Variants in XKRX observed in about 807,000 individuals in gnomAD.
XKRX encodes the protein XK related X-linked.
Under a neutral mutation model 22.4 loss-of-function variants are expected in XKRX, and 11 were observed. The ratio of observed to expected loss-of-function variants is 0.49; its 90% CI spans 0.31 to 0.81. The LOEUF is 0.81. Ranked by LOEUF, XKRX falls within the 40% of genes least tolerant of loss-of-function variation. The pLI is 0.05. For synonymous variants in XKRX, 114 were observed against 132.2 expected, an observed-to-expected ratio of 0.86 and a Z score of 0.94; for missense variants, 320 against 336.5, an observed-to-expected ratio of 0.95 and a Z score of 0.38.
chrX:100,896,090 C>T, the XKRX span, among the ~76,000 whole-genome samples: 1 of 111,564 alleles, frequency 9.0e-6, no homozygotes, highest in South Asian at 3.8e-4. Flanking sequence ...CCATAAAACT[C>T]AGAGTTACCA....
chrX:100,914,365 C>A lies in XKRX; in HGVS notation c.1323G>T (p.Glu441Asp). The A allele has an allele frequency of 3.3e-6, 4 of 1,211,412 alleles. No individual in the cohort carries two copies. Among genetic ancestry groups the A allele is most frequent in the Non-Finnish European group, 4.5e-6 (4 of 895,295 alleles). ...TRVENSEPPF[E>D]TEARQSVV is the part of the protein sequence containing the mutation. ...AGACAACACTTTGCCTTGCTTCAGT[C>A]TCAAAGGGTGGCTCTGAGTTCTCAA... Residue 441 changes from glutamate (E) to aspartate (D), a missense_variant, in exon 3 of 3, where the codon GAG becomes GAT. Physicochemically the swap from Glu to Asp is conservative, Grantham distance 45 (BLOSUM62 2). Coordinates refer to ENST00000372956, the MANE Select transcript of XKRX (RefSeq NM_212559.3).
Position 100,917,377 on chromosome X carries a change from C to T in XKRX, c.605-2294G>A, listed in dbSNP as rs147526677. 8.9e-3 allele frequency among the ~76,000 whole-genome samples: 968 copies of T among 108,452 alleles called. 12 individuals are homozygous for T. Among genetic ancestry groups the T allele is most frequent in the African/African-American group, 0.031 (928 of 29,681 alleles). The allele number at this position is 108,452 out of a possible 115,157, so 94.2% of individuals were successfully genotyped here. On this transcript the variant is annotated intron_variant, in intron 2 of 2. Transcript: ENST00000372956. ...CACACCTGTAATCCCAAGCACTTTGCGGGGCTGAGGTGGGTGGATCACCTG... is the reference window on the plus strand; with the variant it reads ...CACACCTGTAATCCCAAGCACTTTGTGGGGCTGAGGTGGGTGGATCACCTG...
rs1427026993 is a variant in XKRX at position 100,914,563 on chromosome X, T to G, written c.1125A>C (p.Leu375Phe). The G allele has an allele frequency of 8.3e-7, 1 of 1,211,759 alleles. No individual in the cohort carries two copies. The highest frequency in any genetic ancestry group is 1.8e-5 in the South Asian group (1 of 56,975). ...LVFKFFGVKV[L>F]LNYCHSLIAL... ...CAATCAAGGAATGACAGTAATTCAGTAACACTTTCACTCCAAAGAACTTAA... is the reference window on the plus strand; with the variant it reads ...CAATCAAGGAATGACAGTAATTCAGGAACACTTTCACTCCAAAGAACTTAA... The change falls in exon 3 of 3, where the codon TTA becomes TTC. Residue 375 changes from leucine (L) to phenylalanine (F), a missense_variant. Coordinates refer to ENST00000372956, the MANE Select transcript of XKRX (RefSeq NM_212559.3).
At chrX:100,898,205 T>C in the XKRX span, among the ~76,000 whole-genome samples, 1 of 111,838 alleles carries the variant, frequency 8.9e-6, no homozygotes, top group Admixed American at 9.5e-5. Context: ...CTGAAGACTC[T>C]GGCATTTAAA....
chrX:100,951,234 C>CAA, the XKRX span, among the ~76,000 whole-genome samples: 172 of 25,358 alleles, frequency 6.8e-3, 2 homozygotes, highest in African/African-American at 0.017. Flanking sequence ...GGCTCCATCG[C>CAA]AAAAAAAAAA....
At chrX:100,899,418 G>C in the XKRX span, among the ~76,000 whole-genome samples, 5 of 112,301 alleles carry the variant, frequency 4.5e-5, no homozygotes, top group African/African-American at 1.6e-4. Context: ...GAGAGGTTGA[G>C]GGGGGAGGAT....
At chrX:100,892,742 G>C in the XKRX span, among the ~76,000 whole-genome samples, 1 of 112,450 alleles carries the variant, frequency 8.9e-6, no homozygotes, top group African/African-American at 3.2e-5. Flanking sequence ...ATGTAAATTA[G>C]TACAGCCATT....
chrX:100,944,147 G>GTA, the XKRX span, among the ~76,000 whole-genome samples: 1 of 111,891 alleles, frequency 8.9e-6, no homozygotes, highest in Non-Finnish European at 1.9e-5. Flanking sequence ...GTGTGCAGTA[G>GTA]TATCTCATTG....
downstream of XKRX, among the ~76,000 whole-genome samples, chrX:100,910,195 G>GTC (rs1287690322): frequency 9.0e-6 from 1 of 111,217 alleles, no homozygotes; most frequent in Non-Finnish European, 1.9e-5. Context: ...TCATAGTTAT[G>GTC]TCTGCCTTTT....
At chrX:100,930,287 TTAATAATAATAATAATAA>T (rs59300334), upstream of XKRX, among the ~76,000 whole-genome samples, 1 of 85,620 alleles carries the variant, frequency 1.2e-5, no homozygotes, top group Admixed American at 1.3e-4. Flanking sequence ...AGATTACGTC[TTAATAATAATAATAATAA>T]TAATAATAAT....
chrX:100,914,634 G>T lies in XKRX; in HGVS notation c.1054C>A (p.His352Asn), dbSNP rs78358883. The T allele has an allele frequency of 1.7e-6, 2 of 1,211,685 alleles. No individual in the cohort carries two copies. Among genetic ancestry groups the T allele is most frequent in the Admixed American group, 4.3e-5 (2 of 46,008 alleles). The change falls in exon 3 of 3, where the codon CAC (histidine) becomes AAC (asparagine). Residue 352 changes from histidine (H) to asparagine (N), a missense_variant. Coordinates refer to ENST00000372956, the MANE Select transcript of XKRX (RefSeq NM_212559.3). ...TTCTCTACCAACCTCACACTATAGT[G>T]CAGGCCCATATGTCCCCAGTTCTGC... is the stretch of plus-strand genomic sequence containing the variant. ...KGQNWGHMGL[H>N]YSVRLVENVI...
the XKRX span, among the ~76,000 whole-genome samples, chrX:100,949,483 A>C: frequency 9.3e-6 from 1 of 107,559 alleles, no homozygotes; most frequent in African/African-American, 3.4e-5. Flanking sequence ...CTCCTGCCTC[A>C]GTTTCCCAAG....
At chrX:100,922,550 G>C (rs1323472674) in intron 2 of XKRX, among the ~76,000 whole-genome samples, 2 of 112,368 alleles carry the variant, frequency 1.8e-5, no homozygotes, top group Non-Finnish European at 3.8e-5. Flanking sequence ...AGTGCTGTCC[G>C]ATAGAACTTT....
the XKRX span, among the ~76,000 whole-genome samples, chrX:100,900,248 T>TG: frequency 1.1e-4 from 12 of 110,448 alleles, no homozygotes; most frequent in African/African-American, 3.6e-4. Context: ...TTTGTAGAGA[T>TG]GGGGGTCTCA....
chrX:100,922,729 T>C (rs2085479017), intron 2 of XKRX, 64 bp downstream of exon 2: 2 of 1,097,943 alleles, frequency 1.8e-6, no homozygotes, highest in African/African-American at 3.7e-5. Flanking sequence ...ATTAGACAGC[T>C]TGGGTCTAGA....
the XKRX span, among the ~76,000 whole-genome samples, chrX:100,889,590 A>G: frequency 9.0e-6 from 1 of 110,616 alleles, no homozygotes; most frequent in African/African-American, 3.3e-5. Context: ...AACACCATAT[A>G]AAGATGAAGG....
rs2085509444 is a variant in XKRX, at chrX:100,928,735, C to A, written c.-431G>T. The A allele has an allele frequency of 2.6e-6, 2 of 771,504 alleles. No individual in the cohort carries two copies. The allele number at this position is 771,504 out of a possible 1,213,427, so 63.6% of individuals were successfully genotyped here. ...TCGGGGGCACCGACACTCAGCAGCT[C>A]CTCACAAAGAGTCCTGACCAGTGTG... On this transcript the variant is annotated 5_prime_UTR_variant, in exon 1 of 3. Transcript: ENST00000372956.
chrX:100,939,189 A>C, the XKRX span, among the ~76,000 whole-genome samples: 1 of 111,807 alleles, frequency 8.9e-6, no homozygotes, highest in Admixed American at 9.5e-5. Context: ...TACACAAGAA[A>C]CTGGTAGCTG....
At chrX:100,907,489 C>A in the XKRX span, among the ~76,000 whole-genome samples, 1 of 112,030 alleles carries the variant, frequency 8.9e-6, no homozygotes, top group African/African-American at 3.2e-5. Context: ...CGTGAGCCAC[C>A]ACATCTGACC....
Sources: allele counts gnomAD v4.1 joint callset (sites outside exome capture counted in the v4.1 genomes callset), GRCh38; gene constraint gnomAD v4.1.1; transcripts MANE v1.5; gene names NCBI Gene and HGNC (gene_info 2026-07-23, HGNC 2026-07-21).